Variants in PIEZO2 observed in about 807,000 individuals in gnomAD.
PIEZO2 encodes piezo-type mechanosensitive ion channel component 2.
In PIEZO2, 172 loss-of-function variants were observed where a neutral mutation model predicts 337.3. That is an observed-to-expected ratio of 0.51 (90% CI 0.45 to 0.58). The LOEUF (loss-of-function observed/expected upper bound fraction) is 0.58. PIEZO2 is among the 20% of genes least tolerant of loss of function. The pLI, the probability that PIEZO2 is intolerant of heterozygous loss-of-function variation, is 0.00. For synonymous variants in PIEZO2, 1,251 were observed against 1,228.5 expected (o/e 1.02, Z -0.38); for missense variants, 3,028 against 3,391.3 (o/e 0.89, Z 2.66).
Position 10,862,510 on chromosome 18 carries a change from G to T in PIEZO2, c.493-5299C>A, listed in dbSNP as rs1168719525. Among the ~76,000 whole-genome samples, 1 of 152,022 alleles carries T rather than the reference G, an allele frequency of 6.6e-6. No homozygotes were observed. Among genetic ancestry groups the T allele is most frequent in the African/African-American group, 2.4e-5 (1 of 41,382 alleles). ...AGCAGTACTGGTTCCATTAAGCCGT[G>T]GCATCCACCATGATTTCCACTCAAT... is the stretch of plus-strand genomic sequence containing the variant. On this transcript the variant is annotated intron_variant, in intron 5 of 55. Transcript: ENST00000674853. The surrounding 1 kb of genome is among the most constrained non-coding windows in gnomAD (Gnocchi z 4.4).
intron 1 of PIEZO2, among the ~76,000 whole-genome samples, chr18:11,072,720 A>G (rs1598915709): frequency 6.6e-6 from 1 of 152,338 alleles, no homozygotes; most frequent in Admixed American, 6.5e-5. Context: ...TGAGGTTTGC[A>G]CCACTGCAGT....
At position 10,713,774 on chromosome 18, in the gene PIEZO2, C is replaced by A. The variant is rs982524333; in HGVS notation, c.5423+990G>T. On this transcript the variant is annotated intron_variant, in intron 39 of 55. Coordinates refer to ENST00000674853, the MANE Select transcript of PIEZO2 (RefSeq NM_001378183.1). The surrounding 1 kb of genome is among the most constrained non-coding windows in gnomAD (Gnocchi z 4.5). ...TAAAACATGAATGTTCTCAGTGATA[C>A]AATTCTTTACCCATGAAGGTGGCTA... Among the ~76,000 whole-genome samples the A allele has an allele frequency of 2.6e-5, 4 of 152,208 alleles. No individual in the cohort carries two copies. Among genetic ancestry groups the A allele is most frequent in the Admixed American group, 6.5e-5 (1 of 15,280 alleles).
intron 17 of PIEZO2, among the ~76,000 whole-genome samples, chr18:10,782,311 A>ATAATATATTATATAATTATATATATAAT (rs1568050792): frequency 2.6e-5 from 2 of 76,144 alleles, no homozygotes; most frequent in African/African-American, 9.9e-5. Context: ...ATAAATAATT[A>ATAATATATTATATAATTATATATATAAT]TATAATATAT....
At position 10,782,317 on chromosome 18, in the gene PIEZO2, T is replaced by C. The variant is rs1236005286; in HGVS notation, c.2493-1951A>G. ...TAATTATATATAAATAATTATATAA[T>C]ATATTATAATTATATATAAATAATT... On this transcript the variant is annotated intron_variant, in intron 17 of 55. Transcript: ENST00000674853. Among the ~76,000 whole-genome samples the C allele has an allele frequency of 4.0e-5, 4 of 99,552 alleles. 1 individual carries two copies. Among genetic ancestry groups the C allele is most frequent in the Non-Finnish European group, 7.1e-5 (4 of 55,978 alleles). 65.3% of individuals were successfully genotyped at this position (99,552 alleles called of 152,430 possible). A position where few individuals can be genotyped will look rare whatever the true frequency, so the allele number is the denominator to read the frequency against.
rs2037267772 is a variant in PIEZO2 at position 10,742,599 on chromosome 18, C to A, written c.4531G>T (p.Ala1511Ser). 1 of 1,537,006 alleles carries A rather than the reference C, an allele frequency of 6.5e-7. No homozygotes were observed. Among genetic ancestry groups the A allele is most frequent in the African/African-American group, 1.4e-5 (1 of 73,032 alleles). The part of the protein sequence containing the change: ...QLKRQMDRIK[A>S]RQQKYKKGKE... ...CCCTTTTTATATTTCTGTTGCCTGG[C>A]CTTGATGCGATCCATCCTATAAAGT... Residue 1511 changes from alanine (A) to serine (S), a missense_variant, in exon 32 of 56, where the codon GCC becomes TCC. Around this residue, in one of 5 missense-constraint regions of PIEZO2, gnomAD observed 1,925 missense variants for 2,051.9 expected, o/e 0.94. Transcript: ENST00000674853.
Position 10,968,424 on chromosome 18 carries a change from G to A in PIEZO2, c.286+11111C>T, listed in dbSNP as rs145496437. Among the ~76,000 whole-genome samples, 22 of 152,196 alleles carry A rather than the reference G, an allele frequency of 1.4e-4. No individual in the cohort carries two copies. The South Asian group carries it at 1.5e-3, about 10-fold the overall frequency. On this transcript the variant is annotated intron_variant, in intron 3 of 55. Coordinates refer to ENST00000674853, the MANE Select transcript of PIEZO2 (RefSeq NM_001378183.1). ...GTTCTTTTTGGTTAGTCTTGCTTTCGCTATGTGGACACTTTTTTGGTTCCA... is the reference window on the plus strand; with the variant it reads ...GTTCTTTTTGGTTAGTCTTGCTTTCACTATGTGGACACTTTTTTGGTTCCA...
intron 2 of PIEZO2, among the ~76,000 whole-genome samples, chr18:11,042,567 G>T (rs1018767204): frequency 1.3e-5 from 2 of 152,226 alleles, no homozygotes; most frequent in Non-Finnish European, 2.9e-5. Context: ...ACTCGCTGTG[G>T]TGGGAGGCAG....
intron 10 of PIEZO2, among the ~76,000 whole-genome samples, chr18:10,800,994 G>A (rs1216864141): frequency 2.0e-5 from 3 of 152,224 alleles, no homozygotes; most frequent in African/African-American, 7.2e-5. Context: ...CTGACTGCAG[G>A]TTGCTATGTC....
chr18:11,127,356 A>C lies in PIEZO2; in HGVS notation c.64+21169T>G, dbSNP rs1255201265. On this transcript the variant is annotated intron_variant, in intron 1 of 55. Coordinates refer to ENST00000674853, the MANE Select transcript of PIEZO2 (RefSeq NM_001378183.1). The surrounding 1 kb of genome is among the most constrained non-coding windows in gnomAD (Gnocchi z 4.5). ...GAACTTGATTGGATTGAAGGATACGATGTATTGATCCTGGGTGTGTCTGGG... is the reference window on the plus strand; with the variant it reads ...GAACTTGATTGGATTGAAGGATACGCTGTATTGATCCTGGGTGTGTCTGGG... 6.6e-6 allele frequency among the ~76,000 whole-genome samples: 1 copy of C among 152,166 alleles called. No homozygotes were observed. The highest frequency in any genetic ancestry group is 1.5e-5 in the Non-Finnish European group (1 of 68,008).
chr18:10,989,801 C>G (rs1000909628), intron 2 of PIEZO2, among the ~76,000 whole-genome samples: 1 of 151,962 alleles, frequency 6.6e-6, no homozygotes, highest in African/African-American at 2.4e-5. Flanking sequence ...ATTTTACACC[C>G]CACAGATTAG....
intron 23 of PIEZO2, 38 bp from the exon 24 acceptor site, chr18:10,761,149 C>CTG (rs1423739398): frequency 6.6e-7 from 1 of 1,505,806 alleles, no homozygotes; most frequent in African/African-American, 1.4e-5. Flanking sequence ...CAGCCAGAGG[C>CTG]TTTATGATTT....
chr18:11,037,773 A>G (rs2036974729), intron 2 of PIEZO2, among the ~76,000 whole-genome samples: 1 of 152,242 alleles, frequency 6.6e-6, no homozygotes, highest in African/African-American at 2.4e-5. Flanking sequence ...AAAAACAAAG[A>G]AAAGCCTGCT....
At chr18:10,989,491 CA>C (rs71169964) in intron 2 of PIEZO2, among the ~76,000 whole-genome samples, 46 of 143,126 alleles carry the variant, frequency 3.2e-4, no homozygotes, top group African/African-American at 4.7e-4. Flanking sequence ...AGCTCTAAGA[CA>C]AAAAAAAAAG....
intron 2 of PIEZO2, among the ~76,000 whole-genome samples, chr18:11,053,699 TAA>T (rs1288914370): frequency 1.3e-5 from 2 of 152,232 alleles, no homozygotes; most frequent in Non-Finnish European, 2.9e-5. Context: ...CACTATATCA[TAA>T]GTTATAAGGA....
chr18:10,817,643 G>C (rs1322603043), intron 7 of PIEZO2, among the ~76,000 whole-genome samples: 1 of 152,088 alleles, frequency 6.6e-6, no homozygotes, highest in Admixed American at 6.6e-5. Flanking sequence ...GGACTTTATG[G>C]CTGGGCGCGG....
chr18:10,968,607 T>G (rs1158214321), intron 3 of PIEZO2, among the ~76,000 whole-genome samples: 1 of 150,660 alleles, frequency 6.6e-6, no homozygotes, highest in Non-Finnish European at 1.5e-5. Context: ...AAATAAGAGA[T>G]TATATACTAA....
intron 7 of PIEZO2, among the ~76,000 whole-genome samples, chr18:10,831,610 A>G (rs186417437): frequency 2.0e-5 from 3 of 152,348 alleles, no homozygotes; most frequent in Non-Finnish European, 4.4e-5. Flanking sequence ...AGTCAACAAT[A>G]ATTTACTGTA....
At chr18:11,123,808 T>C (rs2040102313) in intron 1 of PIEZO2, among the ~76,000 whole-genome samples, 3 of 124,386 alleles carry the variant, frequency 2.4e-5, no homozygotes, top group African/African-American at 4.3e-5. Flanking sequence ...AGACTCCGTC[T>C]CAAAAAAAAA....
At chr18:10,946,595 G>A (rs552965326) in intron 3 of PIEZO2, among the ~76,000 whole-genome samples, 3 of 152,308 alleles carry the variant, frequency 2.0e-5, no homozygotes, top group Admixed American at 1.3e-4. Flanking sequence ...GGTTGAGGAG[G>A]AGCTGAACTT....
Sources: allele counts gnomAD v4.1 joint callset (sites outside exome capture counted in the v4.1 genomes callset), GRCh38; gene constraint gnomAD v4.1.1; regional missense constraint gnomAD v4.1.1; non-coding constraint Gnocchi (gnomAD v3.1); transcripts MANE v1.5; gene names NCBI Gene and HGNC (gene_info 2026-07-23, HGNC 2026-07-21).